The following GK5 variants were observed in gnomAD, a reference collection of about 807,000 sequenced individuals.
GK5 encodes ATP:glycerol 3-phosphotransferase 5.
GK5 carries 39 observed loss-of-function variants against 77.3 expected under a neutral mutation model. That is an observed-to-expected ratio of 0.50 (90% confidence interval 0.39 to 0.66). GK5 has a LOEUF of 0.66. Ranked by LOEUF, GK5 falls within the 30% of genes least tolerant of loss-of-function variation. The probability of loss-of-function intolerance (pLI) is 0.00; values close to 1 mark genes in which losing one functional copy is unlikely to be tolerated. For synonymous variants in GK5, 211 were observed against 208.0 expected (o/e 1.01, Z -0.13); for missense variants, 487 against 633.8 (o/e 0.77, Z 2.49).
intron 4 of GK5, among the ~76,000 whole-genome samples, chr3:142,203,465 C>A (rs2064058006): frequency 6.6e-6 from 1 of 152,136 alleles, no homozygotes; most frequent in African/African-American, 2.4e-5. Context: ...AACTGTGAGG[C>A]ATTATAAGTA....
chr3:142,187,831 G>T, intron 5 of GK5, 52 bp from the exon 6 acceptor site: 2 of 1,332,440 alleles, frequency 1.5e-6, no homozygotes, highest in Non-Finnish European at 2.1e-6. Flanking sequence ...ATTACTAAGT[G>T]CATGATTAAA....
intron 9 of GK5, chr3:142,185,651 T>A (rs6798013): frequency 0.031 from 37,481 of 1,204,132 alleles, 637 homozygotes; most frequent in Middle Eastern, 0.046. Flanking sequence ...TTAAAAAAAA[T>A]TTTTTTTAAT....
chr3:142,185,188 G>A, intron 9 of GK5: 2 of 806,000 alleles, frequency 2.5e-6, no homozygotes, highest in South Asian at 5.7e-5. Context: ...AAAGGTGGCA[G>A]AAGGCCCCAG....
intron 3 of GK5, among the ~76,000 whole-genome samples, 168 bp from the exon 4 acceptor site, chr3:142,204,956 C>T (rs1185644161): frequency 6.6e-6 from 1 of 152,230 alleles, no homozygotes; most frequent in Admixed American, 6.5e-5. Context: ...GTTGAACACA[C>T]TGCACAACAA....
At chr3:142,220,605 G>C (rs1272576442) in intron 1 of GK5, among the ~76,000 whole-genome samples, 2 of 152,152 alleles carry the variant, frequency 1.3e-5, no homozygotes, top group African/African-American at 2.4e-5. Flanking sequence ...TATAAGACCA[G>C]AGTCAGGTCA....
intron 5 of GK5, 142 bp from the exon 6 acceptor site, chr3:142,187,921 A>G: frequency 3.2e-6 from 2 of 624,926 alleles, no homozygotes; most frequent in Non-Finnish European, 5.5e-6. Context: ...TATATTCCAA[A>G]TGGTTCTAAG....
At chr3:142,198,991 C>A (rs1215193737) in intron 4 of GK5, 58 bp from the exon 5 acceptor site, 45 of 1,324,314 alleles carry the variant, frequency 3.4e-5, no homozygotes, top group Non-Finnish European at 4.1e-5. Flanking sequence ...AAAATTTCCA[C>A]ATCAATTCTA....
At chr3:142,187,604 C>CA (rs57206350) in intron 6 of GK5, 100 bp downstream of exon 6, 34,071 of 655,064 alleles carry the variant, frequency 0.052, 17 homozygotes, top group East Asian at 0.059. Flanking sequence ...GACCCTAGCT[C>CA]AAAAAAAAAA....
intron 1 of GK5, among the ~76,000 whole-genome samples, chr3:142,220,891 G>A (rs954264553): frequency 6.6e-6 from 1 of 152,146 alleles, no homozygotes; most frequent in Non-Finnish European, 1.5e-5. Flanking sequence ...TCTTTATAAG[G>A]AGCCCCAATT....
intron 5 of GK5, among the ~76,000 whole-genome samples, chr3:142,198,454 A>C (rs752198546): frequency 6.6e-6 from 1 of 152,018 alleles, no homozygotes; most frequent in Non-Finnish European, 1.5e-5. Flanking sequence ...CTCTACTAAA[A>C]ATACAAAAAA....
intron 3 of GK5, among the ~76,000 whole-genome samples, chr3:142,206,873 T>C (rs1435077820): frequency 7.2e-5 from 11 of 152,202 alleles, no homozygotes; most frequent in Admixed American, 7.2e-4. Context: ...GAAAAATTAT[T>C]CTTCAATCCA....
chr3:142,210,562 T>C (rs191462512), intron 3 of GK5, among the ~76,000 whole-genome samples: 32 of 152,244 alleles, frequency 2.1e-4, no homozygotes, highest in African/African-American at 7.7e-4. Context: ...TCAAAAAATA[T>C]CCACTATTTC....
intron 12 of GK5, among the ~76,000 whole-genome samples, chr3:142,174,369 A>G (rs2063579695): frequency 6.6e-6 from 1 of 152,170 alleles, no homozygotes; most frequent in African/African-American, 2.4e-5. Context: ...ATTAGTAAAA[A>G]CGTATATAGT....
chr3:142,177,619 A>G (rs768971321), intron 11 of GK5, 43 bp from the exon 12 acceptor site: 1 of 1,180,574 alleles, frequency 8.5e-7, no homozygotes. Flanking sequence ...AAACAAAATG[A>G]AGAGGTTAGA....
At chr3:142,172,814 A>G (rs944816033) in intron 12 of GK5, among the ~76,000 whole-genome samples, 1 of 152,260 alleles carries the variant, frequency 6.6e-6, no homozygotes, top group Admixed American at 6.5e-5. Context: ...TTTAATATGT[A>G]GAATAGCTTT....
chr3:142,166,786 C>T (rs2063477093), intron 15 of GK5, among the ~76,000 whole-genome samples: 1 of 152,178 alleles, frequency 6.6e-6, no homozygotes, highest in Non-Finnish European at 1.5e-5. Context: ...CCGCCCTCCT[C>T]AGCCCCGCAA....
intron 4 of GK5, among the ~76,000 whole-genome samples, chr3:142,200,179 T>G (rs969307538): frequency 1.3e-5 from 2 of 152,108 alleles, no homozygotes; most frequent in East Asian, 3.9e-4. Context: ...AGAGTCTCAC[T>G]CTGTTCCCCA....
At chr3:142,213,478 C>T (rs1161951348) in intron 3 of GK5, 48 bp downstream of exon 3, 1 of 1,063,040 alleles carries the variant, frequency 9.4e-7, no homozygotes, top group Non-Finnish European at 1.5e-6. Flanking sequence ...CGTGTACTCA[C>T]TGTGGCATGA....
At chr3:142,220,177 G>T (rs1268082527) in intron 1 of GK5, among the ~76,000 whole-genome samples, 2 of 152,014 alleles carry the variant, frequency 1.3e-5, no homozygotes, top group African/African-American at 4.8e-5. Context: ...TCGCTGTGTT[G>T]CCCAGGCTGG....
Sources: gnomAD v4.1 joint callset for allele counts (sites outside exome capture counted in the v4.1 genomes callset) on GRCh38, gnomAD v4.1.1 for gene constraint, MANE v1.5 for transcripts, NCBI Gene and HGNC (gene_info 2026-07-23, HGNC 2026-07-21) for gene names.